Variants in LSAMP observed in about 807,000 individuals in gnomAD.
The protein encoded by LSAMP is limbic system associated membrane protein.
Under a neutral mutation model 38.6 loss-of-function variants are expected in LSAMP, and 7 were observed. The observed-to-expected ratio is 0.18, with a 90% CI of 0.10 to 0.34. LSAMP has a LOEUF of 0.34. Ranked by LOEUF, LSAMP falls within the 10% of genes least tolerant of loss-of-function variation. LSAMP has a pLI of 1.00. For synonymous variants in LSAMP, 154 were observed against 166.8 expected, an observed-to-expected ratio of 0.92 and a Z score of 0.59; for missense variants, 313 against 420.0, an observed-to-expected ratio of 0.75 and a Z score of 2.23.
At chr3:116,426,059 A>T (rs2049190845) in intron 1 of LSAMP, among the ~76,000 whole-genome samples, 2 of 152,190 alleles carry the variant, frequency 1.3e-5, no homozygotes, top group African/African-American at 4.8e-5. Context: ...TAGAAAAGAA[A>T]AAGAAACAGA....
At chr3:116,169,502 C>T (rs1710143696) in intron 1 of LSAMP, among the ~76,000 whole-genome samples, 1 of 152,190 alleles carries the variant, frequency 6.6e-6, no homozygotes, top group Admixed American at 6.5e-5. Flanking sequence ...CATTCTTCTT[C>T]CTTTCTTCTT....
At chr3:116,123,462 A>G (rs1237381250) in intron 1 of LSAMP, among the ~76,000 whole-genome samples, 1 of 152,262 alleles carries the variant, frequency 6.6e-6, no homozygotes, top group African/African-American at 2.4e-5. Flanking sequence ...ACAATAGGCA[A>G]CATTATGCCA....
intron 3 of LSAMP, among the ~76,000 whole-genome samples, chr3:115,885,708 T>C (rs1047635546): frequency 3.3e-5 from 5 of 150,496 alleles, no homozygotes; most frequent in Non-Finnish European, 7.4e-5. Context: ...AGCATTTAGA[T>C]GCTTCTTATC....
intron 1 of LSAMP, among the ~76,000 whole-genome samples, chr3:116,393,166 AT>A (rs2048725745): frequency 6.6e-6 from 1 of 152,112 alleles, no homozygotes. Context: ...GAGCTAAAAC[AT>A]GCCCTTTGCC....
At chr3:116,007,371 A>C (rs1940192067) in intron 3 of LSAMP, among the ~76,000 whole-genome samples, 1 of 152,176 alleles carries the variant, frequency 6.6e-6, no homozygotes, top group African/African-American at 2.4e-5. Flanking sequence ...TTTTATGGGC[A>C]GAAAGACCCC....
chr3:115,971,752 A>G (rs1269444108), intron 3 of LSAMP, among the ~76,000 whole-genome samples: 1 of 152,164 alleles, frequency 6.6e-6, no homozygotes, highest in African/African-American at 2.4e-5. Flanking sequence ...AATTGATTAT[A>G]CCTATTAGAT....
At chr3:115,839,804 T>C (rs1323548996) in intron 6 of LSAMP, among the ~76,000 whole-genome samples, 1 of 152,152 alleles carries the variant, frequency 6.6e-6, no homozygotes, top group Non-Finnish European at 1.5e-5. Flanking sequence ...TAATGGAGGG[T>C]GACTTCTACT....
At chr3:115,856,494 C>T (rs1935512023) in intron 3 of LSAMP, among the ~76,000 whole-genome samples, 1 of 152,048 alleles carries the variant, frequency 6.6e-6, no homozygotes, top group African/African-American at 2.4e-5. Flanking sequence ...TGGCATGTGC[C>T]TGTAATCCCA....
intron 3 of LSAMP, among the ~76,000 whole-genome samples, chr3:115,972,378 T>C (rs1939046596): frequency 6.6e-6 from 1 of 152,088 alleles, no homozygotes. Flanking sequence ...TTTTACCATA[T>C]GTAAGTTATG....
intron 2 of LSAMP, among the ~76,000 whole-genome samples, chr3:116,081,725 C>T (rs1707877119): frequency 6.6e-6 from 1 of 151,932 alleles, no homozygotes; most frequent in Non-Finnish European, 1.5e-5. Flanking sequence ...TGGATAAAGT[C>T]CGACAAGCCA....
chr3:116,071,791 C>G (rs573183232), intron 2 of LSAMP, among the ~76,000 whole-genome samples: 50 of 152,164 alleles, frequency 3.3e-4, no homozygotes, highest in Non-Finnish European at 6.5e-4. Context: ...GTTGTTCCCC[C>G]TCAAGTGTCC....
intron 1 of LSAMP, among the ~76,000 whole-genome samples, chr3:116,427,961 C>A (rs2049225944): frequency 6.6e-6 from 1 of 152,240 alleles, no homozygotes; most frequent in Non-Finnish European, 1.5e-5. Context: ...ACCTGATAGT[C>A]TTTCAAACTC....
intron 1 of LSAMP, among the ~76,000 whole-genome samples, chr3:116,191,316 T>A (rs1353560872): frequency 3.3e-5 from 5 of 152,148 alleles, no homozygotes; most frequent in Admixed American, 3.3e-4. Flanking sequence ...GTCAGGAATC[T>A]GCATTTTAAT....
chr3:116,021,128 A>T (rs1004855176), intron 2 of LSAMP, among the ~76,000 whole-genome samples: 2 of 152,116 alleles, frequency 1.3e-5, no homozygotes, highest in Admixed American at 1.3e-4. Flanking sequence ...GGGACTGGTC[A>T]TTACCAGTCA....
chr3:116,029,596 C>T (rs996553516), intron 2 of LSAMP, among the ~76,000 whole-genome samples: 2 of 151,912 alleles, frequency 1.3e-5, no homozygotes, highest in South Asian at 2.1e-4. Context: ...TGCTAGGTAC[C>T]GTGTGTGTTA....
chr3:116,436,135 G>A (rs1447503092), intron 1 of LSAMP, among the ~76,000 whole-genome samples: 1 of 152,128 alleles, frequency 6.6e-6, no homozygotes, highest in Non-Finnish European at 1.5e-5. Context: ...TCAGCAAATG[G>A]TCCTGGGATA....
chr3:115,894,205 G>A (rs1452906289), intron 3 of LSAMP, among the ~76,000 whole-genome samples: 3 of 151,984 alleles, frequency 2.0e-5, no homozygotes, highest in Admixed American at 6.6e-5. Context: ...TTCATCCAGG[G>A]TAACCTTGCC....
At chr3:116,167,702 C>A (rs1397589918) in intron 1 of LSAMP, among the ~76,000 whole-genome samples, 6 of 152,184 alleles carry the variant, frequency 3.9e-5, no homozygotes, top group African/African-American at 1.4e-4. Flanking sequence ...ACTGCCTCTG[C>A]CCTCATGGAG....
At chr3:116,231,665 C>T (rs1313659574) in intron 1 of LSAMP, among the ~76,000 whole-genome samples, 1 of 152,130 alleles carries the variant, frequency 6.6e-6, no homozygotes, top group Admixed American at 6.5e-5. Context: ...GGGCTAAAGG[C>T]TCTGGCACTT....
Sources: gnomAD v4.1 joint callset for allele counts (sites outside exome capture counted in the v4.1 genomes callset) on GRCh38, gnomAD v4.1.1 for gene constraint, MANE v1.5 for transcripts, NCBI Gene and HGNC (gene_info 2026-07-23, HGNC 2026-07-21) for gene names.